FANCE: variants seen among roughly 807,000 people sequenced by gnomAD.
FANCE encodes FA complementation group E.
A neutral mutation model predicts 57.8 loss-of-function variants in FANCE; 42 were observed. The observed-to-expected ratio is 0.73, with a 90% CI of 0.57 to 0.94. FANCE has a LOEUF of 0.94. Ranked by LOEUF, FANCE falls within the 40% of genes least tolerant of loss-of-function variation. FANCE has a pLI of 0.00. For missense variants in FANCE, 608 were observed against 661.8 expected (o/e 0.92, Z 0.89); for synonymous variants, 251 against 286.4 (o/e 0.88, Z 1.25).
chr6:35,457,757 G>A (rs77950394), intron 3 of FANCE, among the ~76,000 whole-genome samples, 157 bp downstream of exon 3: 1 of 152,172 alleles, frequency 6.6e-6, no homozygotes, highest in Non-Finnish European at 1.5e-5. Flanking sequence ...AGCTTTTCTT[G>A]AACCAAGTGT....
Position 35,457,710 on chromosome 6 carries a change from G to A in FANCE, c.900+110G>A, listed in dbSNP as rs567417181. On this transcript the variant is annotated intron_variant, in intron 3 of 9. Coordinates refer to ENST00000229769, the MANE Select transcript of FANCE (RefSeq NM_021922.3). Reference sequence around the variant, plus strand: ...TGATATACAAGCTGGCTGGGGGAGGGGGACTGGAGTAAAGGTCTGAGGACA... The same window carrying A: ...TGATATACAAGCTGGCTGGGGGAGGAGGACTGGAGTAAAGGTCTGAGGACA... 1.2e-4 allele frequency: 150 copies of A among 1,293,998 alleles called. No individual in the cohort carries two copies. In the East Asian group the frequency reaches 1.2e-3, roughly 10 times the overall value. 80.2% of individuals were successfully genotyped at this position (1,293,998 alleles called of 1,614,324 possible).
In FANCE at chr6:35,459,356, C is replaced by T. The variant is rs745461880; in HGVS notation, c.1139C>T (p.Ser380Phe). The stretch of plus-strand genomic sequence containing the variant: ...ATCCTCTCCTTGACTTCCTCAGCCT[C>T]CCGCCTGCTTACAACTGCCCTGACC... ...GRILSLTSSA[S>F]RLLTTALTSF... The change falls in exon 6 of 10, where the codon TCC (serine) becomes TTC (phenylalanine). Residue 380 changes from serine to phenylalanine, a missense_variant. Ser to Phe is a radical substitution (Grantham distance 155). Coordinates refer to ENST00000229769, the MANE Select transcript of FANCE (RefSeq NM_021922.3). 3.1e-6 allele frequency: 5 copies of T among 1,614,132 alleles called. No homozygotes were observed. In the South Asian group the frequency reaches 5.5e-5, roughly 18 times the overall value.
intron 3 of FANCE, 103 bp from the exon 4 acceptor site, chr6:35,457,813 C>A: frequency 8.9e-7 from 1 of 1,127,172 alleles, no homozygotes; most frequent in Non-Finnish European, 1.4e-6. Context: ...TCTGGTAGTG[C>A]CTTCCAGGAT....
intron 1 of FANCE, among the ~76,000 whole-genome samples, chr6:35,453,655 A>G (rs2150887219): frequency 6.6e-6 from 1 of 152,286 alleles, no homozygotes; most frequent in East Asian, 1.9e-4. Context: ...AAATATTTCT[A>G]ATGCTTAATT....
chr6:35,461,424 G>A (rs960068095), intron 8 of FANCE, among the ~76,000 whole-genome samples: 5 of 152,160 alleles, frequency 3.3e-5, no homozygotes, highest in African/African-American at 1.2e-4. Flanking sequence ...GGGCTAACCA[G>A]TATTACCAGT....
chr6:35,458,428 C>T lies in FANCE; in HGVS notation c.1101C>T (p.Leu367=), dbSNP rs1767441320. 6.2e-7 allele frequency: 1 copy of T among 1,614,030 alleles called. No homozygotes were observed. The highest frequency in any genetic ancestry group is 1.3e-5 in the African/African-American group (1 of 74,898). ...ATGCTACTGTGCTGACCAGAAGCCT[C>T]TTTCTTGGACGGGTAGGTGTATTGG... ...LSNATVLTRS[L]FLGRILSLTS... is the part of the protein sequence containing the mutation. The change falls in exon 5 of 10, where the codon CTC becomes CTT. Residue 367 remains leucine (L), a synonymous_variant. Transcript: ENST00000229769.
At chr6:35,463,730 C>T (rs1030285239) in intron 9 of FANCE, among the ~76,000 whole-genome samples, 15 of 149,678 alleles carry the variant, frequency 1.0e-4, no homozygotes, top group Non-Finnish European at 1.5e-4. Flanking sequence ...GGCATGATCT[C>T]GGCTCACTGC....
In FANCE at chr6:35,458,626, A is replaced by G. The variant is rs577928499; in HGVS notation, c.1113+186A>G. 4.7e-5 allele frequency among the ~76,000 whole-genome samples: 7 copies of G among 149,142 alleles called. No individual in the cohort carries two copies. In the South Asian group the frequency reaches 1.3e-3, roughly 27 times the overall value. ...GCATGGACCCCCAGGCCATCTACCC[A>G]CATGGCATCTAACTTTTTTTTTTTT... On this transcript the variant is annotated intron_variant, in intron 5 of 9. Transcript: ENST00000229769.
Position 35,452,553 on chromosome 6 carries a change from C to T in FANCE, c.8C>T (p.Thr3Ile), listed in dbSNP as rs1405929258. 5.0e-5 allele frequency: 66 copies of T among 1,327,138 alleles called. No homozygotes were observed. Among genetic ancestry groups the T allele is most frequent in the Middle Eastern group, 2.6e-4 (1 of 3,794 alleles). 82.2% of individuals were successfully genotyped at this position (1,327,138 alleles called of 1,614,324 possible). MA[T>I]PDAGLPGAEG... ...CGGCACCCGTGCCCCGGCATGGCGA[C>T]ACCGGACGCGGGGCTCCCTGGGGCT... The change falls in exon 1 of 10, where the codon ACA (threonine) becomes ATA (isoleucine). Residue 3 changes from threonine (T) to isoleucine (I), a missense_variant. By Grantham distance (89) the Thr-to-Ile change is moderately conservative. Coordinates refer to ENST00000229769, the MANE Select transcript of FANCE (RefSeq NM_021922.3).
chr6:35,454,354 C>T (rs928191286), intron 1 of FANCE, among the ~76,000 whole-genome samples: 1 of 152,224 alleles, frequency 6.6e-6, no homozygotes, highest in African/African-American at 2.4e-5. Flanking sequence ...AGGCATGAGC[C>T]ACTGCGCCCA....
chr6:35,457,912 C>T lies in FANCE; in HGVS notation c.901-4C>T, dbSNP rs1767411914. 6.2e-7 allele frequency: 1 copy of T among 1,613,698 alleles called. No homozygotes were observed. Among genetic ancestry groups the T allele is most frequent in the South Asian group, 1.1e-5 (1 of 91,072 alleles). On this transcript the variant is annotated splice_region_variant and splice_polypyrimidine_tract_variant and intron_variant, in intron 3 of 9. Coordinates refer to ENST00000229769, the MANE Select transcript of FANCE (RefSeq NM_021922.3). Reference sequence around the variant, plus strand: ...CAGCCCTAACATGAGATTTGTCTCCCCAGGGGTTAGAGGGATTGGAGGATG... The same window carrying T: ...CAGCCCTAACATGAGATTTGTCTCCTCAGGGGTTAGAGGGATTGGAGGATG...
At chr6:35,460,415 C>A in intron 7 of FANCE, 137 bp from the exon 8 acceptor site, 1 of 824,836 alleles carries the variant, frequency 1.2e-6, no homozygotes, top group Non-Finnish European at 2.0e-6. Context: ...TGTGCCCCAC[C>A]CCTGACTACC....
chr6:35,459,690 C>G lies in FANCE; in HGVS notation c.1246C>G (p.Gln416Glu), dbSNP rs559435652. The G allele has an allele frequency of 2.5e-6, 4 of 1,614,114 alleles. No homozygotes were observed. The South Asian group carries it at 3.3e-5, about 13-fold the overall frequency. Residue 416 changes from glutamine (Q) to glutamate (E), a missense_variant, in exon 7 of 10, where the codon CAA becomes GAA. Coordinates refer to ENST00000229769, the MANE Select transcript of FANCE (RefSeq NM_021922.3). Reference sequence around the variant, plus strand: ...TGCTGTCCTCTACCCAGGTCCTGCTCAAACAGAGTTACTGTGTTGCCTTGT... The same window carrying G: ...TGCTGTCCTCTACCCAGGTCCTGCTGAAACAGAGTTACTGTGTTGCCTTGT... ...VLQAPGTGPA[Q>E]TELLCCLVKM... is the part of the protein sequence containing the mutation.
At position 35,461,180 on chromosome 6, in the gene FANCE, G is replaced by A. The variant is rs143531331; in HGVS notation, c.1383+562G>A. The stretch of plus-strand genomic sequence containing the variant: ...CAAGTAACTGGGATTACAGGCGTGC[G>A]CCACCACACCGGCTAATTTTTGTAT... On this transcript the variant is annotated intron_variant, in intron 8 of 9. Transcript: ENST00000229769. Among the ~76,000 whole-genome samples, 159 of 152,232 alleles carry A rather than the reference G, an allele frequency of 1.0e-3. 2 individuals are homozygous for A. In the East Asian group the frequency reaches 0.027, roughly 26 times the overall value.
intron 6 of FANCE, 60 bp downstream of exon 6, chr6:35,459,514 CACCCCAGAG>C: frequency 6.2e-7 from 1 of 1,612,552 alleles, no homozygotes; most frequent in Non-Finnish European, 8.5e-7. Flanking sequence ...CAGCATCCTT[CACCCCAGAG>C]TGGCCCTGGC....
At chr6:35,464,728 CTTTTT>C (rs59541412) in intron 9 of FANCE, among the ~76,000 whole-genome samples, 1 of 107,824 alleles carries the variant, frequency 9.3e-6, no homozygotes. Flanking sequence ...GAGAGATATT[CTTTTT>C]TTTTTTTTTT....
rs1767839625 is a variant in FANCE, at chr6:35,466,407, T to C, written c.*62T>C. 4.7e-6 allele frequency: 5 copies of C among 1,070,072 alleles called. No individual in the cohort carries two copies. The highest frequency in any genetic ancestry group is 1.7e-5 in the Admixed American group (1 of 59,104). 66.3% of individuals were successfully genotyped at this position (1,070,072 alleles called of 1,614,324 possible). A position where few individuals can be genotyped will look rare whatever the true frequency, so the allele number is the denominator to read the frequency against. ...ACCAGCTTCCTGAAGGGCATTTCTT[T>C]CTTCACCACCTTGTCTTGAGCCCTA... On this transcript the variant is annotated 3_prime_UTR_variant, in exon 10 of 10. Transcript: ENST00000229769.
At chr6:35,459,194 T>G in intron 5 of FANCE, 137 bp from the exon 6 acceptor site, 1 of 1,064,786 alleles carries the variant, frequency 9.4e-7, no homozygotes, top group Non-Finnish European at 1.4e-6. Flanking sequence ...AATGGGTGGG[T>G]CCATGTGAGT....
In FANCE at chr6:35,455,915, G is replaced by A. The variant is rs764069831; in HGVS notation, c.417G>A (p.Leu139=). 3 of 1,614,174 alleles carry A rather than the reference G, an allele frequency of 1.9e-6. No homozygotes were observed. The South Asian group carries it at 3.3e-5, about 18-fold the overall frequency. ...PDAWLRALGE[L]LRRDLGVGTS... ...CCTGGCTCCGTGCCCTGGGGGAATTGCTGCGAAGGGATTTGGGGGTGGGGA... is the reference window on the plus strand; with the variant it reads ...CCTGGCTCCGTGCCCTGGGGGAATTACTGCGAAGGGATTTGGGGGTGGGGA... Residue 139 remains leucine, a synonymous_variant, in exon 2 of 10, where the codon TTG becomes TTA. Coordinates refer to ENST00000229769, the MANE Select transcript of FANCE (RefSeq NM_021922.3).
Sources: allele counts gnomAD v4.1 joint callset (sites outside exome capture counted in the v4.1 genomes callset), GRCh38; gene constraint gnomAD v4.1.1; transcripts MANE v1.5; gene names NCBI Gene and HGNC (gene_info 2026-07-23, HGNC 2026-07-21).